Variants in CECR2 observed in about 807,000 individuals in gnomAD.
CECR2 encodes the protein chromatin remodeling regulator CECR2.
A neutral mutation model predicts 154.5 loss-of-function variants in CECR2; 30 were observed. That is an observed-to-expected ratio of 0.19 (90% CI 0.15 to 0.26). The LOEUF (loss-of-function observed/expected upper bound fraction) is 0.26, where lower values mean the gene tolerates loss of function less well. CECR2 is among the 10% of genes least tolerant of loss of function. The probability of loss-of-function intolerance (pLI) is 1.00; values close to 1 mark genes in which losing one functional copy is unlikely to be tolerated. For synonymous variants in CECR2, 725 were observed against 683.7 expected (o/e 1.06, Z -0.94); for missense variants, 1,743 against 1,829.3 (o/e 0.95, Z 0.86).
Position 17,394,197 on chromosome 22 carries a change from C to CTTTTTTTTTTTTTTTTTTT in CECR2, c.126+24296_126+24314dup, listed in dbSNP as rs71200271. On this transcript the variant is annotated intron_variant, in intron 1 of 18. Transcript: ENST00000262608. Reference sequence around the variant, plus strand: ...CCACCGCGCCCAGCTGCTGCCGCTGCTTTTTTTTTTTTTTTTTTTTTTTTT... The same window carrying CTTTTTTTTTTTTTTTTTTT: ...CCACCGCGCCCAGCTGCTGCCGCTGCTTTTTTTTTTTTTTTTTTTTTTTTTTTTTTTTTTTTTTTTTTTT... Among the ~76,000 whole-genome samples the CTTTTTTTTTTTTTTTTTTT allele has an allele frequency of 8.2e-5, 8 of 97,088 alleles. 4 individuals carry two copies. Among genetic ancestry groups the CTTTTTTTTTTTTTTTTTTT allele is most frequent in the African/African-American group, 1.7e-4 (4 of 23,876 alleles). The allele number at this position is 97,088 out of a possible 152,430, so 63.7% of individuals were successfully genotyped here.
At chr22:17,498,037 G>A (rs1055028940) in intron 3 of CECR2, among the ~76,000 whole-genome samples, 23 of 152,232 alleles carry the variant, frequency 1.5e-4, no homozygotes, top group Admixed American at 1.5e-3. Flanking sequence ...CAAAAAATGT[G>A]TTGAAGGAAG....
intron 1 of CECR2, among the ~76,000 whole-genome samples, chr22:17,409,962 G>GTTTA (rs1366200126): frequency 3.0e-5 from 3 of 99,548 alleles, no homozygotes; most frequent in African/African-American, 1.2e-4. Flanking sequence ...AGTGTTTGCT[G>GTTTA]TCTATTTATT....
intron 1 of CECR2, among the ~76,000 whole-genome samples, chr22:17,385,957 A>G (rs937165087): frequency 2.0e-5 from 3 of 152,148 alleles, no homozygotes; most frequent in African/African-American, 7.2e-5. Context: ...GTCGCTTAGG[A>G]TATTTTTGGC....
chr22:17,368,157 CAA>C (rs916277931), upstream of CECR2, among the ~76,000 whole-genome samples: 4 of 150,876 alleles, frequency 2.7e-5, no homozygotes, highest in South Asian at 2.1e-4. Context: ...AAAAATACAA[CAA>C]GTTATTATCA....
At chr22:17,388,930 A>C (rs1200670199) in intron 1 of CECR2, among the ~76,000 whole-genome samples, 1 of 151,982 alleles carries the variant, frequency 6.6e-6, no homozygotes, top group African/African-American at 2.4e-5. Flanking sequence ...CTCCTGCTTC[A>C]GCCTCTCGAG....
intron 10 of CECR2, among the ~76,000 whole-genome samples, chr22:17,538,252 C>T (rs2056467417): frequency 6.6e-6 from 1 of 152,150 alleles, no homozygotes. Context: ...AATTAAATAA[C>T]TAACATTCTA....
chr22:17,407,291 C>T lies in CECR2; in HGVS notation c.126+37382C>T, dbSNP rs181837563. ...GAGCAAGGCTGGTGAATGAGAATAC[C>T]GTACTGGGCTATAATTGAAAGAGGC... On this transcript the variant is annotated intron_variant, in intron 1 of 18. Transcript: ENST00000262608. 5.0e-3 allele frequency among the ~76,000 whole-genome samples: 768 copies of T among 152,164 alleles called. 2 individuals carry two copies. Among genetic ancestry groups the T allele is most frequent in the Non-Finnish European group, 7.9e-3 (540 of 67,994 alleles).
At chr22:17,489,172 G>A (rs1052530356) in intron 2 of CECR2, among the ~76,000 whole-genome samples, 14 of 152,196 alleles carry the variant, frequency 9.2e-5, no homozygotes, top group African/African-American at 3.4e-4. Context: ...GACCTCAGGT[G>A]ATCACCCGCC....
intron 1 of CECR2, among the ~76,000 whole-genome samples, chr22:17,445,542 C>CA (rs1569086644): frequency 2.5e-5 from 3 of 118,560 alleles, no homozygotes; most frequent in Non-Finnish European, 5.1e-5. Context: ...CTGCTCTATA[C>CA]TTTATTATTA....
intron 5 of CECR2, among the ~76,000 whole-genome samples, chr22:17,501,016 A>G (rs1409030059): frequency 6.6e-6 from 1 of 152,106 alleles, no homozygotes; most frequent in Non-Finnish European, 1.5e-5. Flanking sequence ...TCATTCTTCA[A>G]TTTTATATTT....
At chr22:17,450,783 C>T (rs1172859244) in intron 1 of CECR2, among the ~76,000 whole-genome samples, 4 of 152,242 alleles carry the variant, frequency 2.6e-5, no homozygotes, top group Non-Finnish European at 5.9e-5. Context: ...TTTGCCCACA[C>T]AAAAACCTTA....
At chr22:17,410,522 A>T (rs992983700) in intron 1 of CECR2, among the ~76,000 whole-genome samples, 1 of 151,826 alleles carries the variant, frequency 6.6e-6, no homozygotes, top group African/African-American at 2.4e-5. Flanking sequence ...GTCTCGGCTC[A>T]CTGCAACCTC....
At position 17,436,286 on chromosome 22, in the gene CECR2, T is replaced by A. The variant is rs9617581; in HGVS notation, c.127-41302T>A. On this transcript the variant is annotated intron_variant, in intron 1 of 18. Transcript: ENST00000262608. ...AGTTTCTTGATGTACCATTTGCTGT[T>A]AGCTTAAATTATGCCAACTACAGCC... Among the ~76,000 whole-genome samples, 1,179 of 152,326 alleles carry A rather than the reference T, an allele frequency of 7.7e-3. 10 individuals are homozygous for A. Among genetic ancestry groups the A allele is most frequent in the African/African-American group, 0.027 (1,104 of 41,572 alleles).
chr22:17,488,775 A>C (rs900502963), intron 2 of CECR2, among the ~76,000 whole-genome samples: 1 of 152,222 alleles, frequency 6.6e-6, no homozygotes, highest in African/African-American at 2.4e-5. Flanking sequence ...GAACATTTGC[A>C]TACAAATGCT....
chr22:17,541,494 A>G (rs1297773137), intron 14 of CECR2, among the ~76,000 whole-genome samples: 1 of 152,254 alleles, frequency 6.6e-6, no homozygotes, highest in Non-Finnish European at 1.5e-5. Context: ...ACAGGTATAC[A>G]TGTAGTACAT....
At chr22:17,406,613 CTTCT>C (rs1334025074) in intron 1 of CECR2, among the ~76,000 whole-genome samples, 6 of 151,652 alleles carry the variant, frequency 4.0e-5, no homozygotes, top group Non-Finnish European at 7.4e-5. Context: ...AATTCAGAGA[CTTCT>C]TTATCTTTTA....
At chr22:17,531,853 G>T (rs1292272075) in intron 9 of CECR2, among the ~76,000 whole-genome samples, 1 of 152,212 alleles carries the variant, frequency 6.6e-6, no homozygotes, top group Non-Finnish European at 1.5e-5. Flanking sequence ...GCAGATAGGA[G>T]CAACAGCAGA....
intron 2 of CECR2, among the ~76,000 whole-genome samples, chr22:17,491,586 G>GGC (rs1185555914): frequency 3.2e-5 from 4 of 123,962 alleles, no homozygotes; most frequent in Admixed American, 9.4e-5. Context: ...TGTGTGTGGG[G>GGC]GGGTGGGTGT....
upstream of CECR2, among the ~76,000 whole-genome samples, chr22:17,367,438 T>G (rs917352940): frequency 1.3e-5 from 2 of 151,958 alleles, no homozygotes; most frequent in African/African-American, 4.8e-5. Context: ...CAGGCTGGAG[T>G]GCAATGGCGA....
Sources: allele counts gnomAD v4.1 joint callset (sites outside exome capture counted in the v4.1 genomes callset), GRCh38; gene constraint gnomAD v4.1.1; transcripts MANE v1.5; gene names NCBI Gene and HGNC (gene_info 2026-07-23, HGNC 2026-07-21).